Variants in TULP4 observed in about 807,000 individuals in gnomAD.
The protein encoded by TULP4 is TUB like protein 4.
Under a neutral mutation model 129.0 loss-of-function variants are expected in TULP4, and 16 were observed. That is an observed-to-expected ratio of 0.12 (90% CI 0.08 to 0.19). The LOEUF (loss-of-function observed/expected upper bound fraction) is 0.19. Ranked by LOEUF, TULP4 falls within the 10% of genes least tolerant of loss-of-function variation. The pLI is 1.00. For synonymous variants in TULP4, 998 were observed against 854.0 expected (o/e 1.17, Z -2.94); for missense variants, 1,842 against 2,059.1 (o/e 0.89, Z 2.04).
intron 6 of TULP4, among the ~76,000 whole-genome samples, chr6:158,471,080 T>C (rs559861434): frequency 6.6e-6 from 1 of 152,270 alleles, no homozygotes; most frequent in East Asian, 1.9e-4. Flanking sequence ...GATGTGGGTT[T>C]GAGGGCAGTA....
intron 1 of TULP4, chr6:158,397,832 C>T (rs990667779): frequency 6.6e-6 from 1 of 152,158 alleles, no homozygotes; most frequent in Non-Finnish European, 1.5e-5. Context: ...ATAGCCTCTT[C>T]GTGATTGATA....
At chr6:158,372,836 T>C (rs1245765642) in intron 1 of TULP4, among the ~76,000 whole-genome samples, 1 of 152,238 alleles carries the variant, frequency 6.6e-6, no homozygotes, top group African/African-American at 2.4e-5. Flanking sequence ...TATGGTTTTG[T>C]TTTTGTTGCT....
At chr6:158,268,757 A>G (rs1246115153) in intron 1 of TULP4, among the ~76,000 whole-genome samples, 2 of 152,212 alleles carry the variant, frequency 1.3e-5, no homozygotes, top group African/African-American at 4.8e-5. Flanking sequence ...AAATTATATT[A>G]CTTACAAATC....
intron 1 of TULP4, among the ~76,000 whole-genome samples, chr6:158,320,806 C>T (rs183265425): frequency 2.1e-4 from 32 of 152,266 alleles, no homozygotes; most frequent in African/African-American, 6.3e-4. Context: ...TATAAGGACA[C>T]GACTACTGTA....
rs201766628 is a variant in TULP4 at position 158,479,753 on chromosome 6, C to T, written c.1029C>T (p.Arg343=). Reference sequence around the variant, plus strand: ...GTCTTCCCTTCACTTCCTGCCAGCGCCCCATCATCTCCATCTGCTGGGGTC... The same window carrying T: ...GTCTTCCCTTCACTTCCTGCCAGCGTCCCATCATCTCCATCTGCTGGGGTC... The part of the protein sequence containing the change: ...HIFTLDTLVQ[R]PIISICWGHR... The change falls in exon 7 of 14, where the codon CGC becomes CGT. Residue 343 remains arginine, a splice_region_variant and synonymous_variant. Coordinates refer to ENST00000367097, the MANE Select transcript of TULP4 (RefSeq NM_020245.5). 1 of 1,612,818 alleles carries T rather than the reference C, an allele frequency of 6.2e-7. No homozygotes were observed. Among genetic ancestry groups the T allele is most frequent in the African/African-American group, 1.3e-5 (1 of 75,050 alleles).
At chr6:158,366,202 C>T (rs973381371) in intron 1 of TULP4, among the ~76,000 whole-genome samples, 5 of 152,292 alleles carry the variant, frequency 3.3e-5, no homozygotes, top group South Asian at 2.1e-4. Flanking sequence ...CGCGCCTGGC[C>T]GTCAGTCTTT....
chr6:158,435,358 C>T (rs1384620696), intron 3 of TULP4, among the ~76,000 whole-genome samples: 1 of 152,106 alleles, frequency 6.6e-6, no homozygotes, highest in Admixed American at 6.5e-5. Context: ...GCCTCAGATG[C>T]GGTCTCCTTG....
intron 7 of TULP4, among the ~76,000 whole-genome samples, chr6:158,480,183 T>C (rs377552345): frequency 6.6e-6 from 1 of 152,252 alleles, no homozygotes; most frequent in Non-Finnish European, 1.5e-5. Flanking sequence ...GTGGCTGTTA[T>C]CTTTCTCATG....
intron 1 of TULP4, among the ~76,000 whole-genome samples, chr6:158,360,661 G>A (rs1780764939): frequency 1.3e-5 from 2 of 152,180 alleles, no homozygotes; most frequent in South Asian, 4.1e-4. Context: ...TTGTTGCTGA[G>A]ATGTTTACTT....
intron 1 of TULP4, among the ~76,000 whole-genome samples, chr6:158,235,716 G>A (rs1391656929): frequency 6.6e-6 from 1 of 152,070 alleles, no homozygotes; most frequent in South Asian, 2.1e-4. Flanking sequence ...GTTGATAAAC[G>A]TTCTAGATTT....
At chr6:158,317,240 A>G (rs756680893) in intron 1 of TULP4, among the ~76,000 whole-genome samples, 3 of 152,024 alleles carry the variant, frequency 2.0e-5, no homozygotes, top group Non-Finnish European at 2.9e-5. Context: ...ATAGGTATAC[A>G]TGTGCCGTGT....
chr6:158,503,461 C>T lies in TULP4; in HGVS notation c.3798C>T (p.Tyr1266=), dbSNP rs1448334988. 1 of 1,613,886 alleles carries T rather than the reference C, an allele frequency of 6.2e-7. No homozygotes were observed. The highest frequency in any genetic ancestry group is 8.5e-7 in the Non-Finnish European group (1 of 1,180,036). Residue 1266 remains tyrosine (Y), a synonymous_variant, in exon 13 of 14, where the codon TAC becomes TAT. Coordinates refer to ENST00000367097, the MANE Select transcript of TULP4 (RefSeq NM_020245.5). The surrounding 1 kb of genome is among the most constrained non-coding windows in gnomAD (Gnocchi z 4.3). ...TCGCCTTGCATCCATGGAGTTCCTA[C>T]AGCGCCTGCCCGCCCATGCAGAACC... is the stretch of plus-strand genomic sequence containing the variant. The part of the protein sequence containing the change: ...PPVALHPWSS[Y]SACPPMQNPQ...
At chr6:158,439,340 T>C (rs1778828296) in intron 3 of TULP4, among the ~76,000 whole-genome samples, 1 of 152,172 alleles carries the variant, frequency 6.6e-6, no homozygotes, top group African/African-American at 2.4e-5. Context: ...TTTCCTCTGC[T>C]GTCCCTTTAA....
intron 1 of TULP4, among the ~76,000 whole-genome samples, chr6:158,341,477 G>A (rs781108759): frequency 3.9e-5 from 6 of 152,160 alleles, no homozygotes; most frequent in Non-Finnish European, 8.8e-5. Flanking sequence ...GGATTGTATG[G>A]TAGTTCTATT....
At chr6:158,306,138 C>T (rs1000292519) in intron 1 of TULP4, among the ~76,000 whole-genome samples, 20 of 151,884 alleles carry the variant, frequency 1.3e-4, no homozygotes, top group African/African-American at 4.6e-4. Flanking sequence ...GCATATATGG[C>T]GTTTTATGAT....
At chr6:158,468,360 C>T (rs559049276) in intron 6 of TULP4, among the ~76,000 whole-genome samples, 3 of 152,226 alleles carry the variant, frequency 2.0e-5, no homozygotes, top group African/African-American at 4.8e-5. Flanking sequence ...GATAAATTAC[C>T]GAAGTTACAC....
chr6:158,361,880 A>G (rs1780798629), intron 1 of TULP4, among the ~76,000 whole-genome samples: 1 of 152,190 alleles, frequency 6.6e-6, no homozygotes, highest in South Asian at 2.1e-4. Flanking sequence ...AGGTTAGCTT[A>G]TTTGTAGACG....
At chr6:158,431,554 T>C (rs1186672349) in intron 3 of TULP4, among the ~76,000 whole-genome samples, 2 of 152,170 alleles carry the variant, frequency 1.3e-5, no homozygotes, top group Non-Finnish European at 2.9e-5. Flanking sequence ...CAATTGGACC[T>C]GTTGAGGAGA....
chr6:158,256,360 CAT>C (rs1379782148), intron 1 of TULP4, among the ~76,000 whole-genome samples: 2 of 152,110 alleles, frequency 1.3e-5, no homozygotes, highest in African/African-American at 4.8e-5. Context: ...TGTATACTAA[CAT>C]GTACACACAT....
Sources: gnomAD v4.1 joint callset for allele counts (sites outside exome capture counted in the v4.1 genomes callset) on GRCh38, gnomAD v4.1.1 for gene constraint, Gnocchi (gnomAD v3.1) non-coding constraint, MANE v1.5 for transcripts, NCBI Gene and HGNC (gene_info 2026-07-23, HGNC 2026-07-21) for gene names.